SDK2: variants seen among roughly 807,000 people sequenced by gnomAD.
SDK2 encodes protein sidekick-2.
A neutral mutation model predicts 253.9 loss-of-function variants in SDK2; 105 were observed. The ratio of observed to expected loss-of-function variants is 0.41; its 90% CI spans 0.35 to 0.49. SDK2 has a LOEUF of 0.49. Ranked by LOEUF, SDK2 falls within the 20% of genes least tolerant of loss-of-function variation. The pLI is 0.06. For missense variants in SDK2, 2,608 were observed against 3,003.0 expected, an observed-to-expected ratio of 0.87 and a Z score of 3.07; for synonymous variants, 1,249 against 1,234.9, an observed-to-expected ratio of 1.01 and a Z score of -0.24.
intron 36 of SDK2, among the ~76,000 whole-genome samples, chr17:73,374,633 A>G (rs1289849987): frequency 6.9e-6 from 1 of 145,250 alleles, no homozygotes; most frequent in Non-Finnish European, 1.5e-5. Flanking sequence ...ATACCCAGCT[A>G]ATTTTTGTAT....
At chr17:73,559,755 G>A (rs2045202984) in intron 1 of SDK2, among the ~76,000 whole-genome samples, 1 of 152,150 alleles carries the variant, frequency 6.6e-6, no homozygotes, top group African/African-American at 2.4e-5. Context: ...TCCCTGTCCT[G>A]CTAGAGACAA....
intron 1 of SDK2, among the ~76,000 whole-genome samples, chr17:73,512,099 G>T (rs936205232): frequency 2.0e-5 from 3 of 152,188 alleles, no homozygotes; most frequent in Non-Finnish European, 4.4e-5. Flanking sequence ...TGCAGGGACA[G>T]ATTTCTGTGT....
chr17:73,498,870 G>A (rs1189720605), intron 2 of SDK2, among the ~76,000 whole-genome samples: 11 of 152,222 alleles, frequency 7.2e-5, no homozygotes, highest in African/African-American at 2.4e-4. Context: ...CAGAGCAGGG[G>A]AGGGACGCAG....
intron 4 of SDK2, among the ~76,000 whole-genome samples, chr17:73,453,313 C>T (rs955339392): frequency 6.6e-6 from 1 of 152,036 alleles, no homozygotes; most frequent in Non-Finnish European, 1.5e-5. Context: ...CCTAAATCAC[C>T]AGCCTGCAGA....
intron 5 of SDK2, among the ~76,000 whole-genome samples, chr17:73,441,254 G>A (rs191111531): frequency 3.6e-5 from 5 of 137,410 alleles, no homozygotes; most frequent in Admixed American, 1.5e-4. Context: ...CCCTCTGCCC[G>A]GGTTGACCTT....
intron 2 of SDK2, among the ~76,000 whole-genome samples, chr17:73,495,661 T>C (rs901003080): frequency 3.9e-5 from 6 of 152,026 alleles, no homozygotes; most frequent in Non-Finnish European, 7.4e-5. Flanking sequence ...TGTGTATGTG[T>C]GTGTGTGCAT....
chr17:73,480,904 G>A (rs1445926099), intron 2 of SDK2, among the ~76,000 whole-genome samples: 3 of 152,172 alleles, frequency 2.0e-5, no homozygotes, highest in Non-Finnish European at 4.4e-5. Flanking sequence ...GAACAGCAAT[G>A]TCTGTTTTTC....
At chr17:73,484,985 T>A (rs1599610461) in intron 2 of SDK2, among the ~76,000 whole-genome samples, 1 of 152,192 alleles carries the variant, frequency 6.6e-6, no homozygotes, top group East Asian at 1.9e-4. Flanking sequence ...CCCCATCGTA[T>A]TGGCTTTAGG....
intron 1 of SDK2, among the ~76,000 whole-genome samples, chr17:73,581,489 C>T (rs965788483): frequency 4.6e-5 from 7 of 152,358 alleles, no homozygotes; most frequent in African/African-American, 1.7e-4. Context: ...GCCCCGCCTG[C>T]CCCAGCTTGG....
intron 39 of SDK2, 147 bp from the exon 40 acceptor site, chr17:73,358,351 G>A (rs1046544207): frequency 9.7e-7 from 1 of 1,031,252 alleles, no homozygotes; most frequent in Admixed American, 2.6e-5. Flanking sequence ...CGCGGCCTGA[G>A]AGTACATCTC....
At chr17:73,532,694 G>C (rs892523602) in intron 1 of SDK2, among the ~76,000 whole-genome samples, 1 of 152,194 alleles carries the variant, frequency 6.6e-6, no homozygotes, top group Admixed American at 6.5e-5. Context: ...GCTGCAAAGG[G>C]TACAACATTT....
intron 1 of SDK2, among the ~76,000 whole-genome samples, chr17:73,627,688 G>A (rs899959586): frequency 6.6e-6 from 1 of 152,208 alleles, no homozygotes; most frequent in African/African-American, 2.4e-5. Context: ...GGTCAGCCAC[G>A]TTCCCAAATC....
At chr17:73,633,428 T>C (rs1365022207) in intron 1 of SDK2, among the ~76,000 whole-genome samples, 1 of 152,204 alleles carries the variant, frequency 6.6e-6, no homozygotes, top group Non-Finnish European at 1.5e-5. Context: ...ATGGAAGAGT[T>C]TGGAAAAGCT....
At chr17:73,625,793 C>T (rs558934190) in intron 1 of SDK2, among the ~76,000 whole-genome samples, 126 of 152,056 alleles carry the variant, frequency 8.3e-4, no homozygotes, top group Middle Eastern at 6.8e-3. Context: ...TACAGGTGCC[C>T]GCCACCACAC....
chr17:73,380,788 G>A, intron 34 of SDK2, 106 bp downstream of exon 34: 1 of 988,750 alleles, frequency 1.0e-6, no homozygotes, highest in Non-Finnish European at 1.6e-6. Flanking sequence ...GCCCCCTGGG[G>A]TGGGCACACC....
At chr17:73,409,761 TCTG>T (rs2063110322) in intron 18 of SDK2, among the ~76,000 whole-genome samples, 2 of 152,166 alleles carry the variant, frequency 1.3e-5, no homozygotes, top group Admixed American at 1.3e-4. Flanking sequence ...GAAAAAAATC[TCTG>T]CTGCTTTTAT....
chr17:73,344,619 A>G (rs1030415335), intron 44 of SDK2, among the ~76,000 whole-genome samples: 3 of 152,188 alleles, frequency 2.0e-5, no homozygotes, highest in Non-Finnish European at 2.9e-5. Context: ...AGAATATACA[A>G]AGCACAGGGC....
At chr17:73,574,418 T>TGTGTACGTGCAC (rs139534026) in intron 1 of SDK2, among the ~76,000 whole-genome samples, 1 of 152,176 alleles carries the variant, frequency 6.6e-6, no homozygotes, top group African/African-American at 2.4e-5. Flanking sequence ...ATCACGTGCA[T>TGTGTACGTGCAC]GCACATGTGT....
intron 6 of SDK2, 109 bp from the exon 7 acceptor site, chr17:73,438,263 G>T: frequency 3.0e-6 from 3 of 995,168 alleles, no homozygotes; most frequent in Non-Finnish European, 4.4e-6. Context: ...GGCTGCCTGG[G>T]TTTGCCACCT....
Sources: allele counts gnomAD v4.1 joint callset (sites outside exome capture counted in the v4.1 genomes callset), GRCh38; gene constraint gnomAD v4.1.1; transcripts MANE v1.5; gene names NCBI Gene and HGNC (gene_info 2026-07-23, HGNC 2026-07-21).